Variants in MTMR8 observed in about 807,000 individuals in gnomAD.
MTMR8 encodes phosphatidylinositol-3,5-bisphosphate 3-phosphatase MTMR8.
A neutral mutation model predicts 39.3 loss-of-function variants in MTMR8; 65 were observed. That is an observed-to-expected ratio of 1.65 (90% CI 1.35 to 2.03). The LOEUF is 2.03. Ranked by LOEUF, MTMR8 falls within the 30% of genes most tolerant of loss-of-function variation. The probability of loss-of-function intolerance (pLI) is 0.00; values close to 1 mark genes in which losing one functional copy is unlikely to be tolerated. For synonymous variants in MTMR8, 245 were observed against 185.2 expected (o/e 1.32, Z -2.62); for missense variants, 777 against 538.9 (o/e 1.44, Z -4.37).
At chrX:64,282,776 G>A (rs1921006735) in intron 12 of MTMR8, among the ~76,000 whole-genome samples, 1 of 111,319 alleles carries the variant, frequency 9.0e-6, no homozygotes, top group Non-Finnish European at 1.9e-5. Flanking sequence ...GAGTGAAAAG[G>A]CAACCTGCAG....
intron 1 of MTMR8, among the ~76,000 whole-genome samples, chrX:64,373,186 G>C (rs1390606196): frequency 8.9e-6 from 1 of 112,103 alleles, no homozygotes; most frequent in Non-Finnish European, 1.9e-5. Flanking sequence ...TAAGTGGTGA[G>C]GTAAAGGCAG....
chrX:64,348,373 C>T (rs1432303746), intron 6 of MTMR8, among the ~76,000 whole-genome samples: 1 of 111,182 alleles, frequency 9.0e-6, no homozygotes, highest in African/African-American at 3.3e-5. Context: ...GGTTAAGGAA[C>T]AGACTTGGTA....
intron 12 of MTMR8, among the ~76,000 whole-genome samples, chrX:64,296,928 G>C (rs1203468296): frequency 9.8e-4 from 101 of 103,188 alleles, no homozygotes; most frequent in African/African-American, 3.4e-3. Flanking sequence ...TTTTATGGCT[G>C]CATAATATTC....
chrX:64,361,450 G>A (rs1022070665), intron 1 of MTMR8, among the ~76,000 whole-genome samples: 8 of 111,485 alleles, frequency 7.2e-5, no homozygotes, highest in Admixed American at 1.9e-4. Context: ...GCTAAATAAT[G>A]TTAATGAATC....
chrX:64,375,005 G>C (rs1271293196), intron 1 of MTMR8, among the ~76,000 whole-genome samples: 1 of 105,297 alleles, frequency 9.5e-6, no homozygotes, highest in African/African-American at 3.5e-5. Context: ...TCAGACTTCT[G>C]GGCTCCTGAA....
chrX:64,394,140 A>G (rs1284341983), intron 1 of MTMR8, among the ~76,000 whole-genome samples: 9 of 111,745 alleles, frequency 8.1e-5, no homozygotes, highest in Non-Finnish European at 1.1e-4. Flanking sequence ...GCCTGTGCAA[A>G]GAAACTCCCG....
At chrX:64,313,572 T>G (rs1922377209) in intron 12 of MTMR8, among the ~76,000 whole-genome samples, 1 of 112,735 alleles carries the variant, frequency 8.9e-6, no homozygotes, top group Non-Finnish European at 1.9e-5. Flanking sequence ...TTGTCCTTTC[T>G]CAGCTTTTGA....
intron 12 of MTMR8, among the ~76,000 whole-genome samples, chrX:64,286,048 G>T (rs1334719567): frequency 9.0e-6 from 1 of 111,305 alleles, no homozygotes; most frequent in Admixed American, 9.5e-5. Flanking sequence ...CTGAGTTTTT[G>T]AAAAGATCAA....
chrX:64,287,266 AG>A (rs1432825614), intron 12 of MTMR8, among the ~76,000 whole-genome samples: 23 of 111,377 alleles, frequency 2.1e-4, no homozygotes, highest in Admixed American at 1.6e-3. Flanking sequence ...AGGGATGTGA[AG>A]GACCTCTTCA....
intron 12 of MTMR8, among the ~76,000 whole-genome samples, chrX:64,277,343 T>C (rs775295713): frequency 1.8e-5 from 2 of 112,307 alleles, no homozygotes; most frequent in Non-Finnish European, 3.8e-5. Flanking sequence ...ATAGTGCTGA[T>C]GGTCTTTACA....
chrX:64,384,484 C>T (rs1924509669), intron 1 of MTMR8, among the ~76,000 whole-genome samples: 1 of 111,971 alleles, frequency 8.9e-6, no homozygotes, highest in Non-Finnish European at 1.9e-5. Context: ...GGGCTCTGCC[C>T]CTGTAGCAGG....
intron 1 of MTMR8, among the ~76,000 whole-genome samples, chrX:64,391,212 A>C (rs1924681479): frequency 1.8e-5 from 2 of 112,350 alleles, no homozygotes; most frequent in Admixed American, 9.4e-5. Context: ...ACAATCTATA[A>C]AATCTTTCAC....
intron 12 of MTMR8, among the ~76,000 whole-genome samples, chrX:64,284,389 G>C (rs771321734): frequency 1.8e-5 from 2 of 112,227 alleles, no homozygotes; most frequent in East Asian, 2.8e-4. Context: ...AACCAAGTTG[G>C]AAAACACTCT....
intron 1 of MTMR8, among the ~76,000 whole-genome samples, chrX:64,372,323 T>C (rs1432858497): frequency 9.0e-6 from 1 of 111,291 alleles, no homozygotes; most frequent in Non-Finnish European, 1.9e-5. Flanking sequence ...CCATTATATA[T>C]GTAGTTATAC....
chrX:64,345,410 A>G (rs1923324755), intron 6 of MTMR8, among the ~76,000 whole-genome samples: 2 of 112,234 alleles, frequency 1.8e-5, no homozygotes, highest in Admixed American at 1.9e-4. Flanking sequence ...TTGTTTCATT[A>G]TGAAAACCTT....
rs1471601810 is a variant in MTMR8 at position 64,348,680 on chromosome X, C to T, written c.712G>A (p.Val238Ile). ...GATACCTTTGGTCTTGTGTCTACAA[C>T]ATACATAAACTGGCTCCCTGGGTTT... The part of the protein sequence containing the change: ...QTNPGSQFMY[V>I]VDTRPKLNAM... Residue 238 changes from valine (V) to isoleucine (I), a missense_variant, in exon 6 of 14, where the codon GTT becomes ATT. Val to Ile is a conservative substitution (Grantham distance 29). Transcript: ENST00000374852. The T allele has an allele frequency of 2.5e-6, 3 of 1,210,913 alleles. No homozygotes were observed. Among genetic ancestry groups the T allele is most frequent in the South Asian group, 3.5e-5 (2 of 56,973 alleles).
intron 12 of MTMR8, among the ~76,000 whole-genome samples, chrX:64,325,172 C>T (rs776398563): frequency 4.5e-5 from 5 of 111,906 alleles, no homozygotes; most frequent in Middle Eastern, 4.6e-3. Context: ...ATAAAAATCT[C>T]GCATCAAAGA....
At chrX:64,298,708 T>A (rs1408880350) in intron 12 of MTMR8, among the ~76,000 whole-genome samples, 1 of 85,562 alleles carries the variant, frequency 1.2e-5, no homozygotes, top group African/African-American at 9.1e-5. Context: ...TGATATTGGC[T>A]GTGGGTTTGT....
At chrX:64,302,274 CGTT>C (rs758984498) in intron 12 of MTMR8, among the ~76,000 whole-genome samples, 1 of 112,469 alleles carries the variant, frequency 8.9e-6, no homozygotes, top group South Asian at 3.7e-4. Flanking sequence ...CATGGTGCGC[CGTT>C]TTTTAAGCCG....
Sources: gnomAD v4.1 joint callset for allele counts (sites outside exome capture counted in the v4.1 genomes callset) on GRCh38, gnomAD v4.1.1 for gene constraint, MANE v1.5 for transcripts, NCBI Gene and HGNC (gene_info 2026-07-23, HGNC 2026-07-21) for gene names.